The following TNNI3K variants were observed in gnomAD, a reference collection of about 807,000 sequenced individuals.
TNNI3K encodes serine/threonine-protein kinase TNNI3K.
A neutral mutation model predicts 114.5 loss-of-function variants in TNNI3K; 140 were observed. The ratio of observed to expected loss-of-function variants is 1.22; its 90% confidence interval spans 1.07 to 1.41. The LOEUF is 1.41. TNNI3K is among the 40% of genes most tolerant of loss of function. TNNI3K has a pLI of 0.00. For missense variants in TNNI3K, 1,125 were observed against 1,007.6 expected, an observed-to-expected ratio of 1.12 and a Z score of -1.58; for synonymous variants, 347 against 347.5, an observed-to-expected ratio of 1.00 and a Z score of 0.02.
chr1:74,246,963 C>A (rs952161541), intron 2 of TNNI3K, among the ~76,000 whole-genome samples: 1 of 152,090 alleles, frequency 6.6e-6, no homozygotes, highest in Non-Finnish European at 1.5e-5. Flanking sequence ...CCAACTTGGG[C>A]AAGTTATTTA....
chr1:74,540,346 A>C (rs1646711757), intron 24 of TNNI3K, 33 bp downstream of exon 24: 1 of 1,596,068 alleles, frequency 6.3e-7, no homozygotes, highest in Non-Finnish European at 8.6e-7. Flanking sequence ...TTTGTTAAGA[A>C]AACTACCCCT....
intron 5 of TNNI3K, among the ~76,000 whole-genome samples, chr1:74,292,879 A>G (rs552385452): frequency 6.6e-6 from 1 of 151,712 alleles, no homozygotes; most frequent in African/African-American, 2.4e-5. Flanking sequence ...TATTGATATA[A>G]AATTTAACAT....
At position 74,475,960 on chromosome 1, in the gene TNNI3K, C is replaced by T. The variant is rs1032689238; in HGVS notation, c.2121+12410C>T. The T allele has an allele frequency of 9.1e-6, 4 of 438,622 alleles. No individual in the cohort carries two copies. The Admixed American group carries it at 1.5e-4, about 17-fold the overall frequency. 27.2% of individuals were successfully genotyped at this position (438,622 alleles called of 1,614,324 possible). A position where few individuals can be genotyped will look rare whatever the true frequency, so the allele number is the denominator to read the frequency against. ...TTCACCATTTGGAAAAATATCAGTC[C>T]AGACAGAGGCTACCATTGACATTGT... On this transcript the variant is annotated intron_variant, in intron 21 of 24. Transcript: ENST00000326637.
chr1:74,271,400 C>T (rs1277599789), intron 4 of TNNI3K, among the ~76,000 whole-genome samples, 198 bp from the exon 5 acceptor site: 1 of 151,802 alleles, frequency 6.6e-6, no homozygotes, highest in Non-Finnish European at 1.5e-5. Flanking sequence ...GAACTGAACA[C>T]CTCTGTCATT....
chr1:74,246,818 G>T (rs1654588582), intron 2 of TNNI3K, among the ~76,000 whole-genome samples: 1 of 152,110 alleles, frequency 6.6e-6, no homozygotes, highest in African/African-American at 2.4e-5. Context: ...AGCAATACCT[G>T]TTATGTTTTG....
At chr1:74,237,085 C>G (rs185716223) in intron 2 of TNNI3K, among the ~76,000 whole-genome samples, 2 of 152,006 alleles carry the variant, frequency 1.3e-5, no homozygotes. Context: ...ATATAAATAT[C>G]ACATAATTGG....
chr1:74,457,022 T>C (rs1667255615), intron 20 of TNNI3K, among the ~76,000 whole-genome samples: 1 of 152,214 alleles, frequency 6.6e-6, no homozygotes, highest in African/African-American at 2.4e-5. Flanking sequence ...ACATATTATT[T>C]GGACCCTAAA....
chr1:74,528,055 G>A (rs188004070), intron 23 of TNNI3K, among the ~76,000 whole-genome samples: 2 of 152,156 alleles, frequency 1.3e-5, no homozygotes, highest in African/African-American at 2.4e-5. Context: ...GATCAGAATC[G>A]AAGCCCAGGA....
At chr1:74,442,773 C>T (rs1329834838) in intron 20 of TNNI3K, among the ~76,000 whole-genome samples, 1 of 152,050 alleles carries the variant, frequency 6.6e-6, no homozygotes, top group Non-Finnish European at 1.5e-5. Flanking sequence ...GTAAAACACT[C>T]CTAAGCCAAT....
At chr1:74,529,409 C>T (rs1049426181) in intron 23 of TNNI3K, among the ~76,000 whole-genome samples, 1 of 152,162 alleles carries the variant, frequency 6.6e-6, no homozygotes, top group Non-Finnish European at 1.5e-5. Context: ...ACTGGCTTGT[C>T]ATCCTCAAAA....
rs528530506 is a variant in TNNI3K, at chr1:74,319,542, G to A, written c.445-11908G>A. On this transcript the variant is annotated intron_variant, in intron 5 of 24. Transcript: ENST00000326637. ...ATAGAGAGATTACTTGTTATGTCTC[G>A]AAGATATGGACTCCATTACCCCAGG... Among the ~76,000 whole-genome samples, 314 of 152,170 alleles carry A rather than the reference G, an allele frequency of 2.1e-3. 1 individual carries two copies. The highest frequency in any genetic ancestry group is 0.01 in the Middle Eastern group (3 of 294).
chr1:74,410,634 T>C (rs549425106), intron 17 of TNNI3K, among the ~76,000 whole-genome samples: 1 of 152,198 alleles, frequency 6.6e-6, no homozygotes, highest in African/African-American at 2.4e-5. Flanking sequence ...AACTAAACCA[T>C]GAAAGACTAG....
At chr1:74,419,382 A>G (rs756173383) in intron 17 of TNNI3K, among the ~76,000 whole-genome samples, 19 of 152,120 alleles carry the variant, frequency 1.2e-4, no homozygotes, top group Admixed American at 2.6e-4. Flanking sequence ...TTTTATCCAA[A>G]TAAGATAATA....
chr1:74,422,757 A>G (rs1665458438), intron 17 of TNNI3K, among the ~76,000 whole-genome samples: 1 of 151,820 alleles, frequency 6.6e-6, no homozygotes, highest in Admixed American at 6.6e-5. Context: ...TACATAAATC[A>G]AGACAAAAAA....
At chr1:74,390,678 G>A (rs1001749991) in intron 17 of TNNI3K, among the ~76,000 whole-genome samples, 3 of 152,158 alleles carry the variant, frequency 2.0e-5, no homozygotes, top group Admixed American at 6.5e-5. Flanking sequence ...GGTAGGAGAG[G>A]TAGGGCAGGA....
intron 4 of TNNI3K, among the ~76,000 whole-genome samples, chr1:74,267,133 A>C (rs1656043192): frequency 6.6e-6 from 1 of 151,988 alleles, no homozygotes; most frequent in Non-Finnish European, 1.5e-5. Context: ...AAGTCTTAAG[A>C]GACTTTCTTT....
At chr1:74,381,391 C>T (rs1166684972) in intron 17 of TNNI3K, among the ~76,000 whole-genome samples, 2 of 152,128 alleles carry the variant, frequency 1.3e-5, no homozygotes, top group African/African-American at 2.4e-5. Context: ...GCATTATTAG[C>T]ATTATTTTTC....
In TNNI3K at chr1:74,343,081, C is replaced by A. The variant is rs1557508657; in HGVS notation, c.834C>A (p.Cys278Ter). 1 of 1,613,380 alleles carries A rather than the reference C, an allele frequency of 6.2e-7. No individual in the cohort carries two copies. The highest frequency in any genetic ancestry group is 8.5e-7 in the Non-Finnish European group (1 of 1,179,788). Residue 278 changes from cysteine to a stop codon, truncating the protein, a stop_gained, in exon 9 of 25, where the codon TGC becomes TGA. Transcript: ENST00000326637. LOFTEE classifies it high-confidence loss of function. ...ATATTTTCTTCAAATCTAGGGCATG[C>A]TACAATGGCAAATTTGAAGTTGCCA... The part of the protein sequence containing the change: ...IYGDTPLHLA[C>*]YNGKFEVAKE...
Position 74,543,064 on chromosome 1 carries a change from C to CTTTTTTTTT in TNNI3K, c.2432-821_2432-813dup, listed in dbSNP as rs60688934. Among the ~76,000 whole-genome samples the CTTTTTTTTT allele has an allele frequency of 3.1e-3, 21 of 6,754 alleles. 6 individuals are homozygous for CTTTTTTTTT. The highest frequency in any genetic ancestry group is 4.5e-3 in the Admixed American group (2 of 440). 4.4% of individuals were successfully genotyped at this position (6,754 alleles called of 152,430 possible). Reference sequence around the variant, plus strand: ...CTTTTCCTTTTCTTTTTCTTTTTCCCTTTTTTTTTTTTTTTTTTTTTTTTT... The same window carrying CTTTTTTTTT: ...CTTTTCCTTTTCTTTTTCTTTTTCCCTTTTTTTTTTTTTTTTTTTTTTTTTTTTTTTTTT... On this transcript the variant is annotated intron_variant, in intron 24 of 24. Transcript: ENST00000326637.
Sources: allele counts gnomAD v4.1 joint callset (sites outside exome capture counted in the v4.1 genomes callset), GRCh38; gene constraint gnomAD v4.1.1; transcripts MANE v1.5; gene names NCBI Gene and HGNC (gene_info 2026-07-23, HGNC 2026-07-21).